LIPC: variants seen among roughly 807,000 people sequenced by gnomAD.
LIPC encodes the protein lipase C, hepatic type.
LIPC carries 44 observed loss-of-function variants against 50.7 expected under a neutral mutation model. That is an observed-to-expected ratio of 0.87 (90% CI 0.68 to 1.11). LIPC has a LOEUF of 1.11. LIPC is among the 50% of genes most tolerant of loss of function. The pLI is 0.00. For synonymous variants in LIPC, 271 were observed against 256.4 expected (o/e 1.06, Z -0.54); for missense variants, 697 against 648.2 (o/e 1.08, Z -0.82).
chr15:58,544,017 G>A (rs539817807), intron 4 of LIPC, among the ~76,000 whole-genome samples: 19 of 152,302 alleles, frequency 1.2e-4, no homozygotes, highest in Non-Finnish European at 2.2e-4. Flanking sequence ...AATGGCAGAC[G>A]TTTCAACAGA....
intron 1 of LIPC, among the ~76,000 whole-genome samples, chr15:58,514,727 G>A (rs1209675674): frequency 6.6e-6 from 1 of 152,180 alleles, no homozygotes. Context: ...CGGAGGCTGA[G>A]GCAGGAGAAC....
intron 1 of LIPC, among the ~76,000 whole-genome samples, chr15:58,532,928 C>A (rs1277713351): frequency 2.0e-5 from 3 of 152,210 alleles, no homozygotes; most frequent in Non-Finnish European, 4.4e-5. Flanking sequence ...AATGTAATGG[C>A]TGGACCCAGC....
At chr15:58,547,458 T>C (rs1893575682) in intron 5 of LIPC, among the ~76,000 whole-genome samples, 1 of 152,116 alleles carries the variant, frequency 6.6e-6, no homozygotes, top group African/African-American at 2.4e-5. Flanking sequence ...GCCGCTAGCG[T>C]CCAAGGACTG....
chr15:58,561,818 T>C (rs1894173599), intron 7 of LIPC, among the ~76,000 whole-genome samples: 1 of 152,220 alleles, frequency 6.6e-6, no homozygotes, highest in Non-Finnish European at 1.5e-5. Flanking sequence ...TTAATGTTAA[T>C]GCTGGTCAGT....
chr15:58,551,841 G>A (rs529807913), intron 6 of LIPC, among the ~76,000 whole-genome samples: 19 of 152,326 alleles, frequency 1.2e-4, no homozygotes, highest in Admixed American at 7.8e-4. Flanking sequence ...CACAAAGGAT[G>A]ACTAACTTGG....
intron 1 of LIPC, chr15:58,494,875 C>T (rs1228670531): frequency 6.6e-6 from 3 of 455,976 alleles, no homozygotes; most frequent in African/African-American, 6.0e-5. Flanking sequence ...CTTAGCAACC[C>T]TGGTTTTTCT....
intron 1 of LIPC, among the ~76,000 whole-genome samples, chr15:58,506,185 A>G (rs771695931): frequency 6.6e-5 from 10 of 152,136 alleles, no homozygotes; most frequent in Admixed American, 2.6e-4. Flanking sequence ...GTGCTTCACA[A>G]CGGGGCTCTC....
At chr15:58,472,805 G>A (rs186043001) in intron 1 of LIPC, among the ~76,000 whole-genome samples, 5 of 152,206 alleles carry the variant, frequency 3.3e-5, no homozygotes, top group East Asian at 3.9e-4. Flanking sequence ...TCTTCACAAC[G>A]GCCTTATGAG....
intron 1 of LIPC, among the ~76,000 whole-genome samples, chr15:58,478,741 G>A (rs116267716): frequency 6.7e-4 from 102 of 152,278 alleles, no homozygotes; most frequent in African/African-American, 2.4e-3. Flanking sequence ...ACTACTGCAC[G>A]CTTGTTTTGT....
At chr15:58,546,505 G>A (rs1177671909) in intron 5 of LIPC, among the ~76,000 whole-genome samples, 1 of 152,116 alleles carries the variant, frequency 6.6e-6, no homozygotes, top group African/African-American at 2.4e-5. Context: ...TCCTTGTTAT[G>A]CCCTTTACCT....
At chr15:58,462,333 C>G (rs1437851414) in intron 1 of LIPC, among the ~76,000 whole-genome samples, 2 of 152,120 alleles carry the variant, frequency 1.3e-5, no homozygotes, top group African/African-American at 2.4e-5. Flanking sequence ...TGAATGAACA[C>G]AAGAATAAAT....
chr15:58,491,979 G>C (rs114256263), intron 1 of LIPC, among the ~76,000 whole-genome samples: 1 of 152,168 alleles, frequency 6.6e-6, no homozygotes, highest in Non-Finnish European at 1.5e-5. Context: ...CTCTGTAGCT[G>C]CATTTCTGAC....
chr15:58,493,487 T>TTG (rs1555401266), intron 1 of LIPC, among the ~76,000 whole-genome samples: 25 of 151,054 alleles, frequency 1.7e-4, no homozygotes, highest in African/African-American at 4.6e-4. Context: ...ATATATTTTT[T>TTG]TGTGTATATA....
chr15:58,475,842 A>T (rs1890977387), intron 1 of LIPC, among the ~76,000 whole-genome samples: 1 of 152,212 alleles, frequency 6.6e-6, no homozygotes, highest in African/African-American at 2.4e-5. Flanking sequence ...ACATTCCATT[A>T]ACAATAAGCA....
chr15:58,531,365 C>A (rs140954612), intron 1 of LIPC, among the ~76,000 whole-genome samples: 1 of 152,258 alleles, frequency 6.6e-6, no homozygotes, highest in East Asian at 1.9e-4. Context: ...GGGAAGCAAG[C>A]CCCACTTTCC....
intron 8 of LIPC, among the ~76,000 whole-genome samples, chr15:58,567,069 G>A (rs1353349703): frequency 1.3e-5 from 2 of 151,716 alleles, no homozygotes; most frequent in Non-Finnish European, 2.9e-5. Context: ...GGGCGTGGTG[G>A]CGCATGCCTA....
Position 58,538,508 on chromosome 15 carries a change from C to G in LIPC, c.264C>G (p.His88Gln). 1 of 1,614,026 alleles carries G rather than the reference C, an allele frequency of 6.2e-7. No individual in the cohort carries two copies. Among genetic ancestry groups the G allele is most frequent in the Non-Finnish European group, 8.5e-7 (1 of 1,179,958 alleles). The change falls in exon 2 of 9, where the codon CAC (histidine) becomes CAG (glutamine). Residue 88 changes from histidine (H) to glutamine (Q), a missense_variant. Transcript: ENST00000299022. ...CCCTGCCTCTGGTGATGATAATCCA[C>G]GGGTGGTCGGTAGGAAATGCTGACA... ...NSSLPLVMII[H>Q]GWSVDGVLEN...
chr15:58,457,935 G>A (rs1404324343), intron 1 of LIPC, among the ~76,000 whole-genome samples: 1 of 152,296 alleles, frequency 6.6e-6, no homozygotes, highest in African/African-American at 2.4e-5. Flanking sequence ...TACATGCCGT[G>A]TGGTTAGTCT....
At chr15:58,539,999 C>T (rs984915509) in intron 2 of LIPC, among the ~76,000 whole-genome samples, 1 of 152,192 alleles carries the variant, frequency 6.6e-6, no homozygotes, top group Admixed American at 6.5e-5. Context: ...CTCTGCAGCT[C>T]GGCTTTCTAA....
Sources: allele counts gnomAD v4.1 joint callset (sites outside exome capture counted in the v4.1 genomes callset), GRCh38; gene constraint gnomAD v4.1.1; transcripts MANE v1.5; gene names NCBI Gene and HGNC (gene_info 2026-07-23, HGNC 2026-07-21).